The following PCDHGB6 variants were observed in gnomAD, a reference collection of about 807,000 sequenced individuals.
PCDHGB6 encodes the protein protocadherin gamma subfamily B, 6, also known as protocadherin gamma-B6.
In PCDHGB6, 51 loss-of-function variants were observed where a neutral mutation model predicts 59.1. The observed-to-expected ratio is 0.86, with a 90% CI of 0.69 to 1.09. The LOEUF (loss-of-function observed/expected upper bound fraction) is 1.09. Ranked by LOEUF, PCDHGB6 falls within the 50% of genes least tolerant of loss-of-function variation. The pLI is 0.00. For synonymous variants in PCDHGB6, 466 were observed against 495.1 expected (o/e 0.94, Z 0.78); for missense variants, 1,148 against 1,205.1 (o/e 0.95, Z 0.70).
intron 3 of PCDHGB6, chr5:141,508,338 A>T (rs1245526252): frequency 1.3e-5 from 2 of 152,224 alleles, no homozygotes; most frequent in Non-Finnish European, 2.9e-5. Flanking sequence ...AACTGACTCT[A>T]CAGAAAGTCA....
At position 141,431,510 on chromosome 5, in the gene PCDHGB6, G is replaced by T; in HGVS notation, c.2418+20890G>T. On this transcript the variant is annotated intron_variant, in intron 1 of 3. Transcript: ENST00000520790. The surrounding 1 kb of genome is among the most constrained non-coding windows in gnomAD (Gnocchi z 4.8). ...TGCTCAGCCCGAGTACCGCGCGAGC[G>T]TTCCGGAGAATCTGGCCTTGGGCAC... 1 of 1,614,022 alleles carries T rather than the reference G, an allele frequency of 6.2e-7. No individual in the cohort carries two copies. Among genetic ancestry groups the T allele is most frequent in the Non-Finnish European group, 8.5e-7 (1 of 1,180,026 alleles).
rs1591227595 is a variant in PCDHGB6 at position 141,432,858 on chromosome 5, T to C, written c.2418+22238T>C. ...TACCTGGTGGTAGCGGTGGCCGCGG[T>C]CTCCTGCGTCTTCCTGGCCTTCGTC... On this transcript the variant is annotated intron_variant, in intron 1 of 3. Coordinates refer to ENST00000520790, the MANE Select transcript of PCDHGB6 (RefSeq NM_018926.3). This position sits in a 1 kb window ranked among gnomAD's most constrained non-coding sequence, Gnocchi z 6.0. The C allele has an allele frequency of 1.2e-6, 2 of 1,614,140 alleles. No individual in the cohort carries two copies. Among genetic ancestry groups the C allele is most frequent in the Non-Finnish European group, 8.5e-7 (1 of 1,179,996 alleles).
chr5:141,464,184 G>T (rs1348739162), intron 1 of PCDHGB6, among the ~76,000 whole-genome samples: 1 of 150,316 alleles, frequency 6.7e-6, no homozygotes, highest in Non-Finnish European at 1.5e-5. Flanking sequence ...AGAATTGCTT[G>T]ATTTCAGGAG....
Position 141,431,614 on chromosome 5 carries a change from C to G in PCDHGB6, c.2418+20994C>G. ...TGAGGTATTCCTTCCGGTATGTGGACGACAAGGCGGCCCAAGTTTTCAAAC... is the reference window on the plus strand; with the variant it reads ...TGAGGTATTCCTTCCGGTATGTGGAGGACAAGGCGGCCCAAGTTTTCAAAC... On this transcript the variant is annotated intron_variant, in intron 1 of 3. Coordinates refer to ENST00000520790, the MANE Select transcript of PCDHGB6 (RefSeq NM_018926.3). This position sits in a 1 kb window ranked among gnomAD's most constrained non-coding sequence, Gnocchi z 4.8. 6.2e-7 allele frequency: 1 copy of G among 1,614,206 alleles called. No homozygotes were observed. The highest frequency in any genetic ancestry group is 1.1e-5 in the South Asian group (1 of 91,092).
intron 1 of PCDHGB6, among the ~76,000 whole-genome samples, chr5:141,460,995 A>G (rs566978077): frequency 1.1e-4 from 17 of 150,188 alleles, no homozygotes; most frequent in South Asian, 2.1e-4. Flanking sequence ...ATATATATAT[A>G]TGTGTATATA....
In PCDHGB6 at chr5:141,464,280, A is replaced by C. The variant is rs934753450; in HGVS notation, c.2419-30527A>C. Among the ~76,000 whole-genome samples, 148 of 75,930 alleles carry C rather than the reference A, an allele frequency of 1.9e-3. 1 individual carries two copies. Among genetic ancestry groups the C allele is most frequent in the African/African-American group, 0.011 (146 of 12,968 alleles). 49.8% of individuals were successfully genotyped at this position (75,930 alleles called of 152,430 possible). Reference sequence around the variant, plus strand: ...ACTCCGTCTAAAAAAAAAAAAAAGCAAAAAAAAAAACTCCATTGTATGTGC... The same window carrying C: ...ACTCCGTCTAAAAAAAAAAAAAAGCCAAAAAAAAAACTCCATTGTATGTGC... On this transcript the variant is annotated intron_variant, in intron 1 of 3. Transcript: ENST00000520790.
At chr5:141,445,890 T>A (rs1435563284) in intron 1 of PCDHGB6, among the ~76,000 whole-genome samples, 1 of 152,210 alleles carries the variant, frequency 6.6e-6, no homozygotes, top group Non-Finnish European at 1.5e-5. Flanking sequence ...ACTTAGGAGC[T>A]ATTAAAATAT....
chr5:141,409,051 C>T lies in PCDHGB6; in HGVS notation c.849C>T (p.Ser283=), dbSNP rs767003760. ...CTGAGATAAACTACTACTTCCGAAG[C>T]ACTGCCCAGAGCACAAAACATATGT... ...VNAEINYYFR[S]TAQSTKHMFS... The change falls in exon 1 of 4, where the codon AGC becomes AGT. Residue 283 remains serine (S), a synonymous_variant. Transcript: ENST00000520790. The T allele has an allele frequency of 3.7e-6, 6 of 1,614,032 alleles. No homozygotes were observed. The highest frequency in any genetic ancestry group is 5.1e-6 in the Non-Finnish European group (6 of 1,179,902).
intron 1 of PCDHGB6, among the ~76,000 whole-genome samples, chr5:141,439,537 C>T (rs1404605731): frequency 6.6e-6 from 1 of 152,206 alleles, no homozygotes; most frequent in African/African-American, 2.4e-5. Flanking sequence ...GAACGCTGTC[C>T]TCTCATTTCT....
intron 1 of PCDHGB6, among the ~76,000 whole-genome samples, chr5:141,470,239 A>G (rs978204909): frequency 1.3e-5 from 2 of 152,232 alleles, no homozygotes; most frequent in African/African-American, 2.4e-5. Flanking sequence ...AAACCCTTGA[A>G]TGTCCCACCT....
In PCDHGB6 at chr5:141,432,011, TACA is replaced by T. The variant is rs1296391274; in HGVS notation, c.2418+21395_2418+21397del. 2 of 1,614,202 alleles carry T rather than the reference TACA, an allele frequency of 1.2e-6. No homozygotes were observed. Among genetic ancestry groups the T allele is most frequent in the South Asian group, 2.2e-5 (2 of 91,084 alleles). On this transcript the variant is annotated intron_variant, in intron 1 of 3. Transcript: ENST00000520790. This position sits in a 1 kb window ranked among gnomAD's most constrained non-coding sequence, Gnocchi z 6.0. The stretch of plus-strand genomic sequence containing the variant: ...CTTGGATAGGGAACAGGTTCCTAGC[TACA>T]ACATCACAGTGACCGCCACTGACCG...
intron 1 of PCDHGB6, among the ~76,000 whole-genome samples, chr5:141,488,541 T>C (rs2099676694): frequency 6.6e-6 from 1 of 152,184 alleles, no homozygotes; most frequent in South Asian, 2.1e-4. Flanking sequence ...CTAAGTCCCA[T>C]GTCAGCTGAC....
At chr5:141,457,071 C>T in intron 1 of PCDHGB6, among the ~76,000 whole-genome samples, 1 of 152,188 alleles carries the variant, frequency 6.6e-6, no homozygotes, top group Non-Finnish European at 1.5e-5. Context: ...TTGCCAGTAA[C>T]TATTATCCCT....
chr5:141,475,749 A>G (rs1039777629), intron 1 of PCDHGB6, among the ~76,000 whole-genome samples: 13 of 152,278 alleles, frequency 8.5e-5, no homozygotes, highest in Admixed American at 6.5e-5. Context: ...TAGGTTTCCT[A>G]TGCACCGATA....
Position 141,431,145 on chromosome 5 carries a change from A to G in PCDHGB6, c.2418+20525A>G. The G allele has an allele frequency of 1.2e-6, 2 of 1,614,244 alleles. No homozygotes were observed. Among genetic ancestry groups the G allele is most frequent in the Non-Finnish European group, 1.7e-6 (2 of 1,180,042 alleles). On this transcript the variant is annotated intron_variant, in intron 1 of 3. Transcript: ENST00000520790. The surrounding 1 kb of genome is among the most constrained non-coding windows in gnomAD (Gnocchi z 4.8). ...GTAGAAGTAAGGGACATTAACGACA[A>G]TGCGCCTTACTTTCGTGAAAGTGAA... is the stretch of plus-strand genomic sequence containing the variant.
At chr5:141,430,642 A>C in intron 1 of PCDHGB6, 2 of 918,498 alleles carry the variant, frequency 2.2e-6, no homozygotes, top group South Asian at 5.1e-5. Flanking sequence ...CCCTGGGAGT[A>C]TGTGGAAACA....
At chr5:141,480,497 A>G (rs909585240) in intron 1 of PCDHGB6, among the ~76,000 whole-genome samples, 6 of 152,236 alleles carry the variant, frequency 3.9e-5, no homozygotes, top group Non-Finnish European at 8.8e-5. Flanking sequence ...CCTTAGAAAT[A>G]CACATATGAG....
intron 1 of PCDHGB6, chr5:141,479,325 A>C (rs2099492835): frequency 6.6e-6 from 1 of 152,648 alleles, no homozygotes; most frequent in South Asian, 2.1e-4. Context: ...AGCCAGACTC[A>C]GTGGTGTGCA....
chr5:141,470,872 T>G, intron 1 of PCDHGB6, among the ~76,000 whole-genome samples: 1 of 151,814 alleles, frequency 6.6e-6, no homozygotes, highest in East Asian at 1.9e-4. Context: ...GTTTGTTTGT[T>G]TTTTTGTTTT....
Sources: allele counts gnomAD v4.1 joint callset (sites outside exome capture counted in the v4.1 genomes callset), GRCh38; gene constraint gnomAD v4.1.1; non-coding constraint Gnocchi (gnomAD v3.1); transcripts MANE v1.5; gene names NCBI Gene and HGNC (gene_info 2026-07-23, HGNC 2026-07-21).